DPY19L3: variants seen among roughly 807,000 people sequenced by gnomAD.
DPY19L3 encodes dpy-19 like C-mannosyltransferase 3, also known as protein C-mannosyl-transferase DPY19L3.
DPY19L3 carries 51 observed loss-of-function variants against 92.3 expected under a neutral mutation model. The ratio of observed to expected loss-of-function variants is 0.55; its 90% CI spans 0.44 to 0.70. The LOEUF is 0.70. Among genes scored for constraint, DPY19L3 ranks in the 30% least tolerant of loss-of-function variants. The pLI, the probability that DPY19L3 is intolerant of heterozygous loss-of-function variation, is 0.00. For missense variants in DPY19L3, 706 were observed against 855.9 expected, an observed-to-expected ratio of 0.82 and a Z score of 2.18; for synonymous variants, 309 against 315.2, an observed-to-expected ratio of 0.98 and a Z score of 0.21.
chr19:32,480,250 C>T (rs887617782), intron 17 of DPY19L3, 149 bp from the exon 18 acceptor site: 8 of 834,484 alleles, frequency 9.6e-6, no homozygotes, highest in Non-Finnish European at 1.3e-5. Flanking sequence ...TCCAGGCCTG[C>T]AAATGAGCGA....
intron 8 of DPY19L3, among the ~76,000 whole-genome samples, chr19:32,441,118 A>G (rs994747101): frequency 2.6e-5 from 4 of 152,338 alleles, no homozygotes; most frequent in South Asian, 2.1e-4. Context: ...AAAGCCTAAA[A>G]ATGTATTTGC....
In DPY19L3 at chr19:32,483,498, CT is replaced by C. The variant is rs1364634905; in HGVS notation, c.*1259del. 2 of 152,620 alleles carry C rather than the reference CT, an allele frequency of 1.3e-5. No individual in the cohort carries two copies. The highest frequency in any genetic ancestry group is 1.5e-5 in the Non-Finnish European group (1 of 68,032). 9.5% of individuals were successfully genotyped at this position (152,620 alleles called of 1,614,324 possible). A position where few individuals can be genotyped will look rare whatever the true frequency, so the allele number is the denominator to read the frequency against. On this transcript the variant is annotated 3_prime_UTR_variant, in exon 19 of 19. Coordinates refer to ENST00000392250, the MANE Select transcript of DPY19L3 (RefSeq NM_001172774.2). ...TGGCTAATGGAATTAACTTTCTCCCCTGTTCTTGCCAGGTGGAAATGATTTA... is the reference window on the plus strand; with the variant it reads ...TGGCTAATGGAATTAACTTTCTCCCCGTTCTTGCCAGGTGGAAATGATTTA...
At chr19:32,478,977 G>A (rs1303639527) in intron 17 of DPY19L3, among the ~76,000 whole-genome samples, 1 of 151,964 alleles carries the variant, frequency 6.6e-6, no homozygotes, top group Non-Finnish European at 1.5e-5. Flanking sequence ...CTCTCTACAG[G>A]TTGTATCTGT....
chr19:32,430,600 T>C (rs1268664045), intron 3 of DPY19L3, among the ~76,000 whole-genome samples: 1 of 152,048 alleles, frequency 6.6e-6, no homozygotes, highest in Non-Finnish European at 1.5e-5. Context: ...GATAATAGCA[T>C]GAATGGTTCT....
rs77357038 is a variant in DPY19L3 at position 32,458,032 on chromosome 19, A to G, written c.1090-68A>G. On this transcript the variant is annotated intron_variant, in intron 10 of 18. Transcript: ENST00000392250. ...ATTGGACACTGAATATGTAAATTCAATGGGAAGTTATCAGGAAACCGTGCC... is the reference window on the plus strand; with the variant it reads ...ATTGGACACTGAATATGTAAATTCAGTGGGAAGTTATCAGGAAACCGTGCC... The G allele has an allele frequency of 1.8e-3, 2,167 of 1,208,434 alleles. 30 individuals are homozygous for G. The African/African-American group carries it at 0.028, about 16-fold the overall frequency. The allele number at this position is 1,208,434 out of a possible 1,614,324, so 74.9% of individuals were successfully genotyped here. A position where few individuals can be genotyped will look rare whatever the true frequency, so the allele number is the denominator to read the frequency against.
At chr19:32,473,761 A>G (rs1022338555) in intron 16 of DPY19L3, among the ~76,000 whole-genome samples, 2 of 152,240 alleles carry the variant, frequency 1.3e-5, no homozygotes, top group Non-Finnish European at 2.9e-5. Context: ...CATCATCCCT[A>G]CTGTCCTCAG....
At position 32,458,476 on chromosome 19, in the gene DPY19L3, T is replaced by A. The variant is rs1969938529; in HGVS notation, c.1289T>A (p.Ile430Asn). Residue 430 changes from isoleucine to asparagine, a missense_variant, in exon 12 of 19, where the codon ATT becomes AAT. By Grantham distance (149) the Ile-to-Asn change is moderately radical. Coordinates refer to ENST00000392250, the MANE Select transcript of DPY19L3 (RefSeq NM_001172774.2). ...AYIFVLSITV[I>N]VAFVVAFHNL... ...ATATTCGTTCTGTCCATCACAGTGA[T>A]TGTAGCATTCGTTGTTGCCTTTCAT... 1 of 1,612,776 alleles carries A rather than the reference T, an allele frequency of 6.2e-7. No individual in the cohort carries two copies. The highest frequency in any genetic ancestry group is 2.2e-5 in the East Asian group (1 of 44,864).
At position 32,426,957 on chromosome 19, in the gene DPY19L3, CTT is replaced by C. The variant is rs558486963; in HGVS notation, c.238-5757_238-5756del. Among the ~76,000 whole-genome samples the C allele has an allele frequency of 4.3e-4, 65 of 152,226 alleles. 2 individuals are homozygous for C. The highest frequency in any genetic ancestry group is 1.5e-3 in the African/African-American group (63 of 41,548). ...ATGAGGCGTGCCTGAAGTCGTTTCCCTTTGTTTACAATGTGTTCTTTCTTTGG... is the reference window on the plus strand; with the variant it reads ...ATGAGGCGTGCCTGAAGTCGTTTCCCTGTTTACAATGTGTTCTTTCTTTGG... On this transcript the variant is annotated intron_variant, in intron 3 of 18. Transcript: ENST00000392250.
At chr19:32,453,609 C>T (rs1379044914) in intron 9 of DPY19L3, among the ~76,000 whole-genome samples, 4 of 152,012 alleles carry the variant, frequency 2.6e-5, no homozygotes, top group East Asian at 1.9e-4. Context: ...AACTCAGGAG[C>T]GAGAAGAGTC....
At chr19:32,426,386 TC>T (rs1182865077) in intron 3 of DPY19L3, among the ~76,000 whole-genome samples, 3 of 152,196 alleles carry the variant, frequency 2.0e-5, no homozygotes, top group Non-Finnish European at 2.9e-5. Context: ...TTAATTTCCT[TC>T]CGTAACTTTT....
At chr19:32,454,447 G>A (rs893776259) in intron 9 of DPY19L3, among the ~76,000 whole-genome samples, 8 of 152,052 alleles carry the variant, frequency 5.3e-5, no homozygotes, top group South Asian at 2.1e-4. Flanking sequence ...TGTGGCAGGC[G>A]CCTGTAGTCC....
intron 3 of DPY19L3, among the ~76,000 whole-genome samples, chr19:32,429,553 A>G (rs1968890059): frequency 6.6e-6 from 1 of 152,230 alleles, no homozygotes; most frequent in Non-Finnish European, 1.5e-5. Context: ...CATTCTGGCT[A>G]TAATAAAGGG....
intron 8 of DPY19L3, among the ~76,000 whole-genome samples, chr19:32,451,926 C>G (rs945275505): frequency 6.6e-6 from 1 of 152,062 alleles, no homozygotes; most frequent in Non-Finnish European, 1.5e-5. Flanking sequence ...CCTCAACCTC[C>G]TGGACTCAAG....
At chr19:32,473,694 C>T (rs1463610842) in intron 16 of DPY19L3, among the ~76,000 whole-genome samples, 1 of 152,218 alleles carries the variant, frequency 6.6e-6, no homozygotes, top group Non-Finnish European at 1.5e-5. Context: ...TGATATTTCC[C>T]AGGTTTACCA....
chr19:32,452,488 G>A (rs1969733874), intron 8 of DPY19L3, among the ~76,000 whole-genome samples: 1 of 152,116 alleles, frequency 6.6e-6, no homozygotes, highest in South Asian at 2.1e-4. Context: ...ACTTATTGGT[G>A]GTCATAAACA....
intron 13 of DPY19L3, 143 bp downstream of exon 13, chr19:32,463,631 A>G: frequency 9.5e-7 from 1 of 1,056,912 alleles, no homozygotes; most frequent in Non-Finnish European, 1.4e-6. Flanking sequence ...TTCTCTCAGT[A>G]TAAAATACTC....
intron 16 of DPY19L3, among the ~76,000 whole-genome samples, chr19:32,476,078 G>A (rs942880069): frequency 3.9e-5 from 6 of 152,192 alleles, no homozygotes; most frequent in Non-Finnish European, 8.8e-5. Flanking sequence ...ATTTGTAAAT[G>A]TCACAACTTG....
chr19:32,468,659 C>T, intron 15 of DPY19L3, 72 bp from the exon 16 acceptor site: 2 of 1,569,846 alleles, frequency 1.3e-6, no homozygotes, highest in Admixed American at 3.9e-5. Context: ...ATCTTTTTTT[C>T]ATTTAATCTT....
intron 3 of DPY19L3, among the ~76,000 whole-genome samples, 199 bp from the exon 4 acceptor site, chr19:32,432,517 A>T (rs1969002642): frequency 6.6e-6 from 1 of 152,150 alleles, no homozygotes; most frequent in Non-Finnish European, 1.5e-5. Context: ...AGTAGAGAAT[A>T]GTAGGACAGA....
Sources: gnomAD v4.1 joint callset for allele counts (sites outside exome capture counted in the v4.1 genomes callset) on GRCh38, gnomAD v4.1.1 for gene constraint, MANE v1.5 for transcripts, NCBI Gene and HGNC (gene_info 2026-07-23, HGNC 2026-07-21) for gene names.